The following DGKB variants were observed in gnomAD, a reference collection of about 807,000 sequenced individuals.
The protein encoded by DGKB is diacylglycerol kinase beta.
Under a neutral mutation model 114.3 loss-of-function variants are expected in DGKB, and 67 were observed. The ratio of observed to expected loss-of-function variants is 0.59; its 90% CI spans 0.48 to 0.72. DGKB has a LOEUF of 0.72. Among genes scored for constraint, DGKB ranks in the 30% least tolerant of loss-of-function variants. The probability of loss-of-function intolerance (pLI) is 0.00; values close to 1 mark genes in which losing one functional copy is unlikely to be tolerated. For missense variants in DGKB, 907 were observed against 975.2 expected (o/e 0.93, Z 0.93); for synonymous variants, 398 against 323.1 (o/e 1.23, Z -2.49).
In DGKB at chr7:14,145,742, C is replaced by A. The variant is rs1473510631; in HGVS notation, c.*3389G>T. On this transcript the variant is annotated 3_prime_UTR_variant, in exon 26 of 26. Coordinates refer to ENST00000402815, the MANE Select transcript of DGKB (RefSeq NM_001350709.2). ...AAAGTGCTGGGATTACAGGCGTAAG[C>A]CATTGCGCCTGGCCACATTTTCCTT... The A allele has an allele frequency of 6.6e-6, 1 of 152,194 alleles. No individual in the cohort carries two copies. Among genetic ancestry groups the A allele is most frequent in the Non-Finnish European group, 1.5e-5 (1 of 68,044 alleles). 9.4% of individuals were successfully genotyped at this position (152,194 alleles called of 1,614,324 possible).
At chr7:14,424,861 C>T (rs1364785501) in intron 21 of DGKB, among the ~76,000 whole-genome samples, 1 of 152,092 alleles carries the variant, frequency 6.6e-6, no homozygotes, top group East Asian at 1.9e-4. Flanking sequence ...TACTCCCCTG[C>T]ACCACACTGC....
At chr7:14,355,204 T>C (rs1814217614) in intron 21 of DGKB, among the ~76,000 whole-genome samples, 2 of 152,128 alleles carry the variant, frequency 1.3e-5, no homozygotes, top group Admixed American at 6.6e-5. Flanking sequence ...GTGGTCTTTA[T>C]TGAATCCATT....
chr7:14,282,768 A>G (rs967208468), intron 23 of DGKB, among the ~76,000 whole-genome samples: 8 of 152,154 alleles, frequency 5.3e-5, no homozygotes, highest in African/African-American at 1.4e-4. Flanking sequence ...AAACCACATG[A>G]TTATCTCAAT....
intron 15 of DGKB, among the ~76,000 whole-genome samples, chr7:14,620,497 T>C (rs1408954791): frequency 6.6e-6 from 1 of 151,678 alleles, no homozygotes; most frequent in East Asian, 1.9e-4. Context: ...AAAAAGATGA[T>C]AGAAAATCAA....
At chr7:14,970,186 G>A (rs987384470) in intron 1 of DGKB, among the ~76,000 whole-genome samples, 1 of 152,122 alleles carries the variant, frequency 6.6e-6, no homozygotes, top group African/African-American at 2.4e-5. Context: ...TAAAAGTTTT[G>A]TAGAGATTGG....
chr7:14,936,093 G>A (rs757068444), intron 1 of DGKB, among the ~76,000 whole-genome samples: 22 of 152,228 alleles, frequency 1.4e-4, no homozygotes, highest in Non-Finnish European at 2.5e-4. Context: ...CCTTGAGTTT[G>A]AGCAATAAGG....
intron 1 of DGKB, among the ~76,000 whole-genome samples, chr7:14,956,859 T>G: frequency 6.6e-6 from 1 of 151,950 alleles, no homozygotes; most frequent in East Asian, 1.9e-4. Flanking sequence ...TTTCAATTTT[T>G]TTTTTTAAGG....
chr7:14,851,687 T>A (rs565700699), intron 1 of DGKB, among the ~76,000 whole-genome samples: 1 of 152,202 alleles, frequency 6.6e-6, no homozygotes, highest in Non-Finnish European at 1.5e-5. Flanking sequence ...TGCATGTACA[T>A]CATAAATTGT....
intron 3 of DGKB, among the ~76,000 whole-genome samples, chr7:14,755,733 T>C (rs1051028208): frequency 7.2e-5 from 11 of 152,142 alleles, no homozygotes; most frequent in African/African-American, 2.7e-4. Flanking sequence ...TTATTTTCAA[T>C]TGGCTTTTAG....
At chr7:14,763,065 C>T (rs1189524372) in intron 2 of DGKB, among the ~76,000 whole-genome samples, 1 of 152,090 alleles carries the variant, frequency 6.6e-6, no homozygotes, top group Non-Finnish European at 1.5e-5. Context: ...CAGTTATTTT[C>T]TGTATCTTCC....
chr7:14,371,787 T>C (rs1817699614), intron 21 of DGKB, among the ~76,000 whole-genome samples: 1 of 152,168 alleles, frequency 6.6e-6, no homozygotes, highest in African/African-American at 2.4e-5. Flanking sequence ...AGGATTCTTA[T>C]AGTTTGAAAT....
chr7:14,923,610 TC>T (rs1460575210), intron 1 of DGKB, among the ~76,000 whole-genome samples: 1 of 152,182 alleles, frequency 6.6e-6, no homozygotes, highest in African/African-American at 2.4e-5. Flanking sequence ...ATTGTATTCA[TC>T]CCTTTTGATA....
rs1015117677 is a variant in DGKB at position 14,151,561 on chromosome 7, C to T, written c.2305-2323G>A. ...ACAATGGGACCTTTAATCTATGTGA[C>T]TAAGTAAAACACAAGTTCTAGTTTG... On this transcript the variant is annotated intron_variant, in intron 25 of 25. Transcript: ENST00000402815. Among the ~76,000 whole-genome samples, 11 of 152,026 alleles carry T rather than the reference C, an allele frequency of 7.2e-5. No homozygotes were observed. The East Asian group carries it at 2.1e-3, about 29-fold the overall frequency.
intron 1 of DGKB, among the ~76,000 whole-genome samples, chr7:14,974,466 C>T (rs2115319206): frequency 6.6e-6 from 1 of 152,156 alleles, no homozygotes; most frequent in South Asian, 2.1e-4. Flanking sequence ...AGTATAAAGA[C>T]TGATTCAAAT....
chr7:14,456,089 T>G (rs796582939), intron 21 of DGKB, among the ~76,000 whole-genome samples: 6 of 152,146 alleles, frequency 3.9e-5, no homozygotes, highest in African/African-American at 1.4e-4. Flanking sequence ...CGTAAGTACT[T>G]AACTCAAACT....
intron 2 of DGKB, among the ~76,000 whole-genome samples, chr7:14,833,827 C>T (rs1017362844): frequency 6.6e-6 from 1 of 152,046 alleles, no homozygotes; most frequent in Non-Finnish European, 1.5e-5. Context: ...TCCCCCACCT[C>T]TACTCAATAC....
intron 13 of DGKB, among the ~76,000 whole-genome samples, chr7:14,648,655 G>C (rs903218912): frequency 6.6e-6 from 1 of 151,966 alleles, no homozygotes; most frequent in Non-Finnish European, 1.5e-5. Context: ...GAATGACTTT[G>C]ACGAGCTGAG....
At chr7:14,349,448 A>C (rs2128602721) in intron 21 of DGKB, among the ~76,000 whole-genome samples, 1 of 152,280 alleles carries the variant, frequency 6.6e-6, no homozygotes, top group South Asian at 2.1e-4. Flanking sequence ...TATGTCCATC[A>C]AAGTTCCTCA....
At chr7:14,766,937 T>C (rs1368912062) in intron 2 of DGKB, among the ~76,000 whole-genome samples, 1 of 151,436 alleles carries the variant, frequency 6.6e-6, no homozygotes, top group Non-Finnish European at 1.5e-5. Flanking sequence ...CAGAAGGAAA[T>C]CATTTGTGTC....
Sources: gnomAD v4.1 joint callset for allele counts (sites outside exome capture counted in the v4.1 genomes callset) on GRCh38, gnomAD v4.1.1 for gene constraint, MANE v1.5 for transcripts, NCBI Gene and HGNC (gene_info 2026-07-23, HGNC 2026-07-21) for gene names.